The following RIMKLB variants were observed in gnomAD, a reference collection of about 807,000 sequenced individuals.
The protein encoded by RIMKLB is beta-citrylglutamate synthase B.
A neutral mutation model predicts 32.0 loss-of-function variants in RIMKLB; 7 were observed. That is an observed-to-expected ratio of 0.22 (90% CI 0.12 to 0.41). RIMKLB has a LOEUF of 0.41. Among genes scored for constraint, RIMKLB ranks in the 10% least tolerant of loss-of-function variants. The probability of loss-of-function intolerance (pLI) is 1.00; values close to 1 mark genes in which losing one functional copy is unlikely to be tolerated. For synonymous variants in RIMKLB, 172 were observed against 185.1 expected (o/e 0.93, Z 0.57); for missense variants, 289 against 498.7 (o/e 0.58, Z 4.00).
upstream of RIMKLB, among the ~76,000 whole-genome samples, chr12:8,694,370 A>G (rs749425305): frequency 1.4e-5 from 2 of 146,460 alleles, no homozygotes; most frequent in East Asian, 4.0e-4. Context: ...GAGCCATCAC[A>G]CTCAACATCC....
rs1156936368 is a variant in RIMKLB, at chr12:8,713,145, C to CT, written c.-56-665dup. On this transcript the variant is annotated intron_variant, in intron 1 of 5. Coordinates refer to ENST00000535829, the MANE Select transcript of RIMKLB (RefSeq NM_001297776.2). ...ACATTGAGTAAGAGCGTGCTGTCCT[C>CT]TGACTGGAATAAATGAAATTTAGTG... Among the ~76,000 whole-genome samples the CT allele has an allele frequency of 3.3e-5, 5 of 152,138 alleles. No individual in the cohort carries two copies. In the East Asian group the frequency reaches 9.6e-4, roughly 29 times the overall value.
intron 5 of RIMKLB, among the ~76,000 whole-genome samples, chr12:8,769,728 C>T (rs1449476121): frequency 6.6e-6 from 1 of 152,094 alleles, no homozygotes; most frequent in Non-Finnish European, 1.5e-5. Flanking sequence ...GACAGATTCT[C>T]TACAGTTACT....
chr12:8,678,449 G>T (rs1181734916), upstream of RIMKLB, among the ~76,000 whole-genome samples: 3 of 151,888 alleles, frequency 2.0e-5, no homozygotes, highest in African/African-American at 7.3e-5. Flanking sequence ...TCCTGCCTCA[G>T]CCTCCCGAGT....
intron 5 of RIMKLB, among the ~76,000 whole-genome samples, chr12:8,772,124 A>G (rs973495713): frequency 2.6e-5 from 4 of 152,120 alleles, no homozygotes; most frequent in Non-Finnish European, 4.4e-5. Flanking sequence ...CCTGACCTCA[A>G]GTGATCCACC....
At chr12:8,754,819 C>T (rs1948886880) in intron 5 of RIMKLB, among the ~76,000 whole-genome samples, 1 of 152,036 alleles carries the variant, frequency 6.6e-6, no homozygotes, top group African/African-American at 2.4e-5. Context: ...ATGATGGGGT[C>T]TTGTCTGTCT....
rs545578643 is a variant in RIMKLB, at chr12:8,766,360, G to A, written c.698-6961G>A. On this transcript the variant is annotated intron_variant, in intron 5 of 5. Coordinates refer to ENST00000535829, the MANE Select transcript of RIMKLB (RefSeq NM_001297776.2). ...GTGGTCCTTTACCAGCGTGCCCAAC[G>A]TTGCCTTTGCACTCAGAGGTGAATT... 5.9e-5 allele frequency among the ~76,000 whole-genome samples: 9 copies of A among 152,200 alleles called. 1 individual carries two copies. Among genetic ancestry groups the A allele is most frequent in the African/African-American group, 2.2e-4 (9 of 41,518 alleles).
upstream of RIMKLB, chr12:8,697,857 C>T (rs1180342818): frequency 1.4e-5 from 2 of 146,504 alleles, no homozygotes; most frequent in African/African-American, 4.9e-5. Context: ...GCCCGCCGCG[C>T]CGCGGCGCCA....
intron 5 of RIMKLB, among the ~76,000 whole-genome samples, chr12:8,770,749 C>T (rs1375450900): frequency 6.6e-6 from 1 of 152,178 alleles, no homozygotes; most frequent in Non-Finnish European, 1.5e-5. Flanking sequence ...ACCATCAGAT[C>T]TGACAGGTTG....
chr12:8,728,789 T>G (rs553622678), intron 2 of RIMKLB, among the ~76,000 whole-genome samples: 406 of 131,902 alleles, frequency 3.1e-3, no homozygotes, highest in Non-Finnish European at 4.3e-3. Flanking sequence ...GTGTGTGTGT[T>G]TTTGTTTGTT....
At chr12:8,754,171 CTCT>C in intron 5 of RIMKLB, 78 bp downstream of exon 5, 1 of 1,041,508 alleles carries the variant, frequency 9.6e-7, no homozygotes, top group Non-Finnish European at 1.5e-6. Context: ...ATGTATGTAA[CTCT>C]AGACCTTCTT....
chr12:8,761,631 G>A (rs1056773811), intron 5 of RIMKLB, among the ~76,000 whole-genome samples: 1 of 152,066 alleles, frequency 6.6e-6, no homozygotes, highest in Non-Finnish European at 1.5e-5. Context: ...CTGATTGGTC[G>A]GGTGTGAGCT....
intron 1 of RIMKLB, among the ~76,000 whole-genome samples, chr12:8,689,215 T>A (rs1215681869): frequency 6.6e-6 from 1 of 152,248 alleles, no homozygotes; most frequent in African/African-American, 2.4e-5. Context: ...ATTACTTTAT[T>A]AGCAAAATTT....
chr12:8,706,644 G>C (rs138175656), intron 1 of RIMKLB, among the ~76,000 whole-genome samples: 7 of 151,682 alleles, frequency 4.6e-5, no homozygotes, highest in African/African-American at 1.7e-4. Flanking sequence ...ATAGAGACAG[G>C]GTTTCACCAT....
At chr12:8,766,647 T>C (rs1949992463) in intron 5 of RIMKLB, among the ~76,000 whole-genome samples, 1 of 152,232 alleles carries the variant, frequency 6.6e-6, no homozygotes, top group Non-Finnish European at 1.5e-5. Flanking sequence ...TATCAATTGC[T>C]GAATACCCAC....
At chr12:8,694,387 AT>A (rs769859426), upstream of RIMKLB, among the ~76,000 whole-genome samples, 2 of 119,078 alleles carry the variant, frequency 1.7e-5, no homozygotes, top group South Asian at 2.8e-4. Flanking sequence ...ATCCTGTTGA[AT>A]TTTTTTTCTT....
intron 2 of RIMKLB, among the ~76,000 whole-genome samples, chr12:8,739,152 A>G (rs1555165247): frequency 6.6e-6 from 1 of 152,116 alleles, no homozygotes; most frequent in Non-Finnish European, 1.5e-5. Flanking sequence ...AACAACAGAA[A>G]TTGTTTCTGT....
chr12:8,758,063 C>T (rs1949207783), intron 5 of RIMKLB, among the ~76,000 whole-genome samples: 1 of 151,802 alleles, frequency 6.6e-6, no homozygotes, highest in South Asian at 2.1e-4. Context: ...TCCCTGAGAG[C>T]TGGGATTACA....
chr12:8,728,804 T>C (rs998180114), intron 2 of RIMKLB, among the ~76,000 whole-genome samples: 3 of 151,976 alleles, frequency 2.0e-5, no homozygotes, highest in African/African-American at 7.3e-5. Context: ...TTTGTTTGTT[T>C]GTTTGTTTGT....
chr12:8,726,859 CTT>C (rs1322543660), intron 2 of RIMKLB, among the ~76,000 whole-genome samples: 4 of 152,152 alleles, frequency 2.6e-5, no homozygotes, highest in East Asian at 1.9e-4. Context: ...ACTGTTTTCT[CTT>C]TGTTACCCCT....
Sources: gnomAD v4.1 joint callset for allele counts (sites outside exome capture counted in the v4.1 genomes callset) on GRCh38, gnomAD v4.1.1 for gene constraint, MANE v1.5 for transcripts, NCBI Gene and HGNC (gene_info 2026-07-23, HGNC 2026-07-21) for gene names.